XPO6: variants seen among roughly 807,000 people sequenced by gnomAD.
XPO6 encodes the protein exportin-6.
XPO6 carries 3 observed loss-of-function variants against 130.0 expected under a neutral mutation model. The observed-to-expected ratio is 0.02, with a 90% confidence interval of 0.01 to 0.06. XPO6 has a LOEUF of 0.06. Ranked by LOEUF, XPO6 falls within the 10% of genes least tolerant of loss-of-function variation. The pLI is 1.00. For synonymous variants in XPO6, 524 were observed against 548.9 expected (o/e 0.95, Z 0.63); for missense variants, 970 against 1,393.0 (o/e 0.70, Z 4.83).
Position 28,203,459 on chromosome 16 carries a change from A to G in XPO6, c.3+7907T>C, listed in dbSNP as rs148890324. Among the ~76,000 whole-genome samples the G allele has an allele frequency of 4.5e-4, 69 of 152,270 alleles. 1 individual carries two copies. The East Asian group carries it at 9.5e-3, about 21-fold the overall frequency. Reference sequence around the variant, plus strand: ...TTAGACAGATACATTTGACAATGCAACTACTTAAGATCTTCAACATCCTTC... The same window carrying G: ...TTAGACAGATACATTTGACAATGCAGCTACTTAAGATCTTCAACATCCTTC... On this transcript the variant is annotated intron_variant, in intron 1 of 23. Coordinates refer to ENST00000304658, the MANE Select transcript of XPO6 (RefSeq NM_015171.4).
At chr16:28,183,474 G>A (rs1465837464) in intron 1 of XPO6, 3 of 143,906 alleles carry the variant, frequency 2.1e-5, no homozygotes, top group Non-Finnish European at 4.5e-5. Flanking sequence ...CCCATTAAAT[G>A]ATGGCTACAT....
intron 1 of XPO6, among the ~76,000 whole-genome samples, 173 bp downstream of exon 1, chr16:28,211,193 G>A (rs929070987): frequency 9.9e-5 from 15 of 152,220 alleles, no homozygotes; most frequent in Non-Finnish European, 2.2e-4. Flanking sequence ...TCCCTGGGGG[G>A]ATGGGAGCGC....
At chr16:28,109,611 A>T (rs1189072895) in intron 17 of XPO6, among the ~76,000 whole-genome samples, 1 of 152,252 alleles carries the variant, frequency 6.6e-6, no homozygotes, top group Non-Finnish European at 1.5e-5. Context: ...ACTAGGAGAC[A>T]TATGACAAGA....
At chr16:28,168,115 T>C (rs2043387030) in intron 5 of XPO6, among the ~76,000 whole-genome samples, 2 of 152,192 alleles carry the variant, frequency 1.3e-5, no homozygotes, top group East Asian at 1.9e-4. Context: ...AATATACTGC[T>C]GGGCACTGTA....
At chr16:28,147,884 T>A (rs1185010512) in intron 8 of XPO6, among the ~76,000 whole-genome samples, 1 of 152,128 alleles carries the variant, frequency 6.6e-6, no homozygotes, top group Admixed American at 6.5e-5. Context: ...AGGCGGAGGT[T>A]GCAGTGAGCT....
intron 17 of XPO6, among the ~76,000 whole-genome samples, chr16:28,110,006 G>T (rs1292239530): frequency 6.6e-6 from 1 of 151,934 alleles, no homozygotes; most frequent in Non-Finnish European, 1.5e-5. Flanking sequence ...AGATGCAGTT[G>T]TTCATTTTCT....
In XPO6 at chr16:28,106,635, A is replaced by C; in HGVS notation, c.2498-138T>G. On this transcript the variant is annotated intron_variant, in intron 18 of 23. Transcript: ENST00000304658. The surrounding 1 kb of genome is among the most constrained non-coding windows in gnomAD (Gnocchi z 4.2). ...CTGCTGGAAACATTTCCCCAACACC[A>C]TCAGGGCCAATGATGGAAAGTGGAA... The C allele has an allele frequency of 1.5e-6, 1 of 662,374 alleles. No homozygotes were observed. Among genetic ancestry groups the C allele is most frequent in the Non-Finnish European group, 2.6e-6 (1 of 381,186 alleles). The allele number at this position is 662,374 out of a possible 1,614,324, so 41.0% of individuals were successfully genotyped here.
At chr16:28,131,491 T>C (rs1471641119) in intron 12 of XPO6, among the ~76,000 whole-genome samples, 2 of 152,232 alleles carry the variant, frequency 1.3e-5, no homozygotes, top group African/African-American at 4.8e-5. Context: ...GCATAGCAGC[T>C]GATGGGGCAG....
At chr16:28,108,832 G>C (rs1341094735) in intron 17 of XPO6, among the ~76,000 whole-genome samples, 5 of 152,242 alleles carry the variant, frequency 3.3e-5, no homozygotes, top group Admixed American at 3.3e-4. Context: ...AGGCAGGCCT[G>C]GCCCTGCTGC....
chr16:28,138,272 T>C (rs1028042390), intron 9 of XPO6, among the ~76,000 whole-genome samples: 2 of 152,138 alleles, frequency 1.3e-5, no homozygotes, highest in Non-Finnish European at 1.5e-5. Flanking sequence ...ACACTATAAA[T>C]TGCTGTGACA....
At chr16:28,124,347 T>G (rs1309164498) in intron 13 of XPO6, among the ~76,000 whole-genome samples, 1 of 152,226 alleles carries the variant, frequency 6.6e-6, no homozygotes. Flanking sequence ...CGTGAGCCAC[T>G]GCGCCCCGCC....
chr16:28,111,567 G>A (rs1425817689), intron 17 of XPO6: 1 of 397,948 alleles, frequency 2.5e-6, no homozygotes, highest in East Asian at 4.1e-5. Flanking sequence ...TTTTCTTAGG[G>A]CTCCAGCATT....
chr16:28,211,417 A>T lies in XPO6; in HGVS notation c.-49T>A, dbSNP rs377072979. The stretch of plus-strand genomic sequence containing the variant: ...AGATGAGCTGGTTCTTGGGCTTCGG[A>T]CACGTCCCGCTCGCACAGTTCAGGT... On this transcript the variant is annotated 5_prime_UTR_variant, in exon 1 of 24. Coordinates refer to ENST00000304658, the MANE Select transcript of XPO6 (RefSeq NM_015171.4). The T allele has an allele frequency of 6.3e-5, 83 of 1,311,030 alleles. No individual in the cohort carries two copies. In the African/African-American group the frequency reaches 9.8e-4, roughly 15 times the overall value. 81.2% of individuals were successfully genotyped at this position (1,311,030 alleles called of 1,614,324 possible). A position where few individuals can be genotyped will look rare whatever the true frequency, so the allele number is the denominator to read the frequency against.
At chr16:28,102,186 C>T (rs1419924073) in intron 21 of XPO6, among the ~76,000 whole-genome samples, 3 of 152,270 alleles carry the variant, frequency 2.0e-5, no homozygotes, top group East Asian at 1.9e-4. Context: ...AAACCCATCA[C>T]AGGACCTGGC....
At chr16:28,197,537 C>T (rs570986920) in intron 1 of XPO6, among the ~76,000 whole-genome samples, 3 of 152,228 alleles carry the variant, frequency 2.0e-5, no homozygotes, top group Non-Finnish European at 2.9e-5. Context: ...GATTACCCAA[C>T]GCTGATGAGG....
intron 13 of XPO6, among the ~76,000 whole-genome samples, chr16:28,124,338 G>A (rs905298933): frequency 6.6e-6 from 1 of 152,214 alleles, no homozygotes; most frequent in African/African-American, 2.4e-5. Flanking sequence ...GATTACGGGC[G>A]TGAGCCACTG....
intron 1 of XPO6, chr16:28,183,424 GT>G (rs1402887614): frequency 1.2e-3 from 67 of 53,788 alleles, no homozygotes; most frequent in Non-Finnish European, 1.5e-3. Context: ...CACTTCACTA[GT>G]TTAAAAAAAA....
At chr16:28,112,121 G>A in intron 16 of XPO6, 115 bp from the exon 17 acceptor site, 1 of 1,296,010 alleles carries the variant, frequency 7.7e-7, no homozygotes, top group Non-Finnish European at 1.0e-6. Context: ...TAGCCCCCAG[G>A]CTCGTTTCTT....
intron 9 of XPO6, among the ~76,000 whole-genome samples, chr16:28,142,320 A>G (rs966685202): frequency 1.3e-5 from 2 of 152,246 alleles, no homozygotes; most frequent in Non-Finnish European, 1.5e-5. Flanking sequence ...CTGCTCCTGC[A>G]AAACAGCATA....
Sources: allele counts gnomAD v4.1 joint callset (sites outside exome capture counted in the v4.1 genomes callset), GRCh38; gene constraint gnomAD v4.1.1; non-coding constraint Gnocchi (gnomAD v3.1); transcripts MANE v1.5; gene names NCBI Gene and HGNC (gene_info 2026-07-23, HGNC 2026-07-21).